The following SLC9A5 variants were observed in gnomAD, a reference collection of about 807,000 sequenced individuals.
SLC9A5 encodes the protein solute carrier family 9 member A5.
In SLC9A5, 52 loss-of-function variants were observed where a neutral mutation model predicts 91.7. The observed-to-expected ratio is 0.57, with a 90% CI of 0.45 to 0.71. The LOEUF (loss-of-function observed/expected upper bound fraction) is 0.71, where lower values mean the gene tolerates loss of function less well. SLC9A5 is among the 30% of genes least tolerant of loss of function. The probability of loss-of-function intolerance (pLI) is 0.00; values close to 1 mark genes in which losing one functional copy is unlikely to be tolerated. For missense variants in SLC9A5, 871 were observed against 1,158.9 expected, an observed-to-expected ratio of 0.75 and a Z score of 3.61; for synonymous variants, 419 against 474.5, an observed-to-expected ratio of 0.88 and a Z score of 1.52.
At position 67,255,150 on chromosome 16, in the gene SLC9A5, T is replaced by C; in HGVS notation, c.620T>C (p.Phe207Ser). ...HVNETLFIIV[F>S]GESLLNDAVT... The stretch of plus-strand genomic sequence containing the variant: ...AATGAGACTCTCTTTATCATCGTCT[T>C]TGGCGAGTCCCTGCTCAACGATGCT... Residue 207 changes from phenylalanine (F) to serine (S), a missense_variant, in exon 3 of 16, where the codon TTT becomes TCT. This residue lies in a region of SLC9A5 where 454 missense variants were observed against 718.3 expected (regional missense o/e 0.63). Coordinates refer to ENST00000299798, the MANE Select transcript of SLC9A5 (RefSeq NM_004594.3). This position sits in a 1 kb window ranked among gnomAD's most constrained non-coding sequence, Gnocchi z 4.9. 5 of 1,614,086 alleles carry C rather than the reference T, an allele frequency of 3.1e-6. No individual in the cohort carries two copies. The highest frequency in any genetic ancestry group is 4.2e-6 in the Non-Finnish European group (5 of 1,179,974).
At position 67,249,099 on chromosome 16, in the gene SLC9A5, G is replaced by A. The variant is rs954112194; in HGVS notation, c.85G>A (p.Glu29Lys). The A allele has an allele frequency of 4.5e-6, 7 of 1,541,062 alleles. No homozygotes were observed. Among genetic ancestry groups the A allele is most frequent in the Middle Eastern group, 1.9e-4 (1 of 5,272 alleles). The change falls in exon 1 of 16, where the codon GAG becomes AAG. Residue 29 changes from glutamate (E) to lysine (K), a missense_variant. Physicochemically the swap from Glu to Lys is moderately conservative, Grantham distance 56. Coordinates refer to ENST00000299798, the MANE Select transcript of SLC9A5 (RefSeq NM_004594.3). ...CACCCAGAAGCCAGAGTCCCCGGGC[G>A]AGCCTCCCCCAGGCTTAGAGCTCTT... Reference protein sequence around the residue: ...EPTQKPESPGEPPPGLELFRW... With the variant: ...EPTQKPESPGKPPPGLELFRW...
intron 1 of SLC9A5, 96 bp downstream of exon 1, chr16:67,249,297 TG>T (rs2035020265): frequency 9.7e-7 from 1 of 1,027,904 alleles, no homozygotes; most frequent in African/African-American, 1.7e-5. Context: ...GCTGGCTTCT[TG>T]CACGGTGCTG....
chr16:67,265,840 T>A (rs1035522456), intron 14 of SLC9A5, among the ~76,000 whole-genome samples: 1 of 152,122 alleles, frequency 6.6e-6, no homozygotes, highest in African/African-American at 2.4e-5. Flanking sequence ...AGCTGGAAAG[T>A]GTGGTCCTCA....
intron 12 of SLC9A5, chr16:67,262,322 A>G (rs888695488): frequency 4.4e-6 from 2 of 454,938 alleles, no homozygotes; most frequent in Admixed American, 2.4e-5. Flanking sequence ...GAATCCACTT[A>G]GTATGATAAC....
chr16:67,266,059 T>C (rs759640022), intron 14 of SLC9A5, 29 bp from the exon 15 acceptor site: 2 of 1,608,078 alleles, frequency 1.2e-6, no homozygotes, highest in Non-Finnish European at 1.7e-6. Flanking sequence ...CAGCCCAGGA[T>C]GCCTGACTCT....
chr16:67,266,022 G>A (rs2035686842), intron 14 of SLC9A5, 66 bp from the exon 15 acceptor site: 1 of 1,592,696 alleles, frequency 6.3e-7, no homozygotes, highest in Admixed American at 1.8e-5. Flanking sequence ...GCTGGCTTGG[G>A]GCTGTGTAGT....
chr16:67,257,032 A>G lies in SLC9A5; in HGVS notation c.1254A>G (p.Leu418=). ...CTGTGGCCTTTGCTCTCGTCATCCT[A>G]CTGGATAGGACCAAGGTCCCTGCCA... ...RGAVAFALVI[L]LDRTKVPAKD... is the part of the protein sequence containing the mutation. The change falls in exon 7 of 16, where the codon CTA becomes CTG. Residue 418 remains leucine (L), a synonymous_variant. Coordinates refer to ENST00000299798, the MANE Select transcript of SLC9A5 (RefSeq NM_004594.3). This position sits in a 1 kb window ranked among gnomAD's most constrained non-coding sequence, Gnocchi z 5.1. 3 of 1,613,792 alleles carry G rather than the reference A, an allele frequency of 1.9e-6. No homozygotes were observed. The highest frequency in any genetic ancestry group is 1.1e-5 in the South Asian group (1 of 91,084).
Position 67,258,376 on chromosome 16 carries a change from C to G in SLC9A5, c.1555C>G (p.Arg519Gly), listed in dbSNP as rs774656218. The G allele has an allele frequency of 1.2e-6, 2 of 1,614,026 alleles. No homozygotes were observed. The highest frequency in any genetic ancestry group is 1.7e-6 in the Non-Finnish European group (2 of 1,180,006). Residue 519 changes from arginine (R) to glycine (G), a missense_variant, in exon 10 of 16, where the codon CGC (arginine) becomes GGC (glycine). Around this residue, in one of 3 missense-constraint regions of SLC9A5, gnomAD observed 454 missense variants for 718.3 expected, o/e 0.63. Coordinates refer to ENST00000299798, the MANE Select transcript of SLC9A5 (RefSeq NM_004594.3). This position sits in a 1 kb window ranked among gnomAD's most constrained non-coding sequence, Gnocchi z 4.5. Reference protein sequence around the residue: ...SQLLMRRSAYRIRDQIWDVYY... With the variant: ...SQLLMRRSAYGIRDQIWDVYY... Reference sequence around the variant, plus strand: ...GCTGCTGATGCGACGATCAGCCTACCGCATCCGGGACCAGATCTGGGATGT... The same window carrying G: ...GCTGCTGATGCGACGATCAGCCTACGGCATCCGGGACCAGATCTGGGATGT...
rs1188608183 is a variant in SLC9A5, at chr16:67,258,188, T to A, written c.1497-130T>A. ...ATGAGGGCAGGGACTAGCCTTGAGA[T>A]TCTCTCTGGCTGAGGCCCATATCTA... On this transcript the variant is annotated intron_variant, in intron 9 of 15. Coordinates refer to ENST00000299798, the MANE Select transcript of SLC9A5 (RefSeq NM_004594.3). This position sits in a 1 kb window ranked among gnomAD's most constrained non-coding sequence, Gnocchi z 4.5. The A allele has an allele frequency of 9.6e-6, 8 of 831,342 alleles. No individual in the cohort carries two copies. In the South Asian group the frequency reaches 1.3e-4, roughly 13 times the overall value. 51.5% of individuals were successfully genotyped at this position (831,342 alleles called of 1,614,324 possible). A position where few individuals can be genotyped will look rare whatever the true frequency, so the allele number is the denominator to read the frequency against.
rs373789942 is a variant in SLC9A5, at chr16:67,271,547, C to G, written c.*337C>G. ...TTCCCGGGGACTCTATAGGCAGCTG[C>G]TCCTGCCCGCAAAGCAAGAGCATCA... On this transcript the variant is annotated 3_prime_UTR_variant, in exon 16 of 16. Transcript: ENST00000299798. 26 of 311,344 alleles carry G rather than the reference C, an allele frequency of 8.4e-5. No homozygotes were observed. In the East Asian group the frequency reaches 1.4e-3, roughly 17 times the overall value. The allele number at this position is 311,344 out of a possible 1,614,324, so 19.3% of individuals were successfully genotyped here.
Position 67,258,594 on chromosome 16 carries a change from G to C in SLC9A5, c.1626+147G>C. On this transcript the variant is annotated intron_variant, in intron 10 of 15. Coordinates refer to ENST00000299798, the MANE Select transcript of SLC9A5 (RefSeq NM_004594.3). The surrounding 1 kb of genome is among the most constrained non-coding windows in gnomAD (Gnocchi z 4.5). ...ATGGTCTGGTGAAGTGGCAGCGGCA[G>C]GAAGCAGCTGGGTCTGGTGCTGACA... The C allele has an allele frequency of 1.1e-6, 1 of 898,582 alleles. No homozygotes were observed. The highest frequency in any genetic ancestry group is 1.7e-6 in the Non-Finnish European group (1 of 578,084). 55.7% of individuals were successfully genotyped at this position (898,582 alleles called of 1,614,324 possible).
chr16:67,259,514 C>A, intron 10 of SLC9A5, 59 bp from the exon 11 acceptor site: 1 of 1,234,766 alleles, frequency 8.1e-7, no homozygotes. Context: ...TTTATTACCC[C>A]TGACTCCTGG....
intron 13 of SLC9A5, 87 bp from the exon 14 acceptor site, chr16:67,264,952 GA>G: frequency 7.2e-7 from 1 of 1,393,580 alleles, no homozygotes; most frequent in Non-Finnish European, 1.0e-6. Flanking sequence ...GCTGGGTTAG[GA>G]AAACTTGTCC....
intron 2 of SLC9A5, 128 bp from the exon 3 acceptor site, chr16:67,254,893 A>G (rs886073868): frequency 4.7e-5 from 40 of 849,246 alleles, no homozygotes; most frequent in Middle Eastern, 7.1e-4. Flanking sequence ...TGTCTTTGCC[A>G]TCCCAAGTCC....
chr16:67,268,705 T>TTTAC (rs2035821530), intron 15 of SLC9A5, among the ~76,000 whole-genome samples: 1 of 95,472 alleles, frequency 1.0e-5, no homozygotes, highest in African/African-American at 4.3e-5. Context: ...TATATATATA[T>TTTAC]ATATATTTTT....
chr16:67,271,256 T>G lies in SLC9A5; in HGVS notation c.*46T>G. On this transcript the variant is annotated 3_prime_UTR_variant, in exon 16 of 16. Transcript: ENST00000299798. The stretch of plus-strand genomic sequence containing the variant: ...CAGGAGGTGGAATCCCTGTGGGAAG[T>G]GCTCCCTGGGTGATGGGTAGAGCCC... The G allele has an allele frequency of 6.6e-7, 1 of 1,523,466 alleles. No individual in the cohort carries two copies. Among genetic ancestry groups the G allele is most frequent in the Non-Finnish European group, 8.9e-7 (1 of 1,120,052 alleles). The allele number at this position is 1,523,466 out of a possible 1,614,324, so 94.4% of individuals were successfully genotyped here.
At position 67,256,923 on chromosome 16, in the gene SLC9A5, A is replaced by T. The variant is rs761077744; in HGVS notation, c.1145A>T (p.Gln382Leu). ...LFFRALGVVLQTWVLNQFRLV... is the reference protein window; with the variant it reads ...LFFRALGVVLLTWVLNQFRLV... ...CCTCCCGCTGTAGGCGTAGTCCTGC[A>T]GACCTGGGTGCTGAATCAGTTCCGG... The change falls in exon 7 of 16, where the codon CAG becomes CTG. Residue 382 changes from glutamine (Q) to leucine (L), a missense_variant. Physicochemically the swap from Gln to Leu is moderately radical, Grantham distance 113. This residue lies in a region of SLC9A5 where 454 missense variants were observed against 718.3 expected (regional missense o/e 0.63). Coordinates refer to ENST00000299798, the MANE Select transcript of SLC9A5 (RefSeq NM_004594.3). The surrounding 1 kb of genome is among the most constrained non-coding windows in gnomAD (Gnocchi z 4.1). 16 of 1,613,824 alleles carry T rather than the reference A, an allele frequency of 9.9e-6. No individual in the cohort carries two copies. Among genetic ancestry groups the T allele is most frequent in the Middle Eastern group, 1.7e-4 (1 of 5,892 alleles).
chr16:67,254,020 C>T (rs572133670), intron 2 of SLC9A5, among the ~76,000 whole-genome samples: 1 of 152,248 alleles, frequency 6.6e-6, no homozygotes, highest in South Asian at 2.1e-4. Flanking sequence ...CTATTTGGGG[C>T]AGGAAGGGAA....
intron 13 of SLC9A5, 125 bp from the exon 14 acceptor site, chr16:67,264,915 C>A: frequency 1.1e-6 from 1 of 936,410 alleles, no homozygotes; most frequent in Non-Finnish European, 1.7e-6. Context: ...GGTAGAACCA[C>A]TGGGACTGAC....
Sources: gnomAD v4.1 joint callset for allele counts (sites outside exome capture counted in the v4.1 genomes callset) on GRCh38, gnomAD v4.1.1 for gene constraint, gnomAD v4.1.1 regional missense constraint, Gnocchi (gnomAD v3.1) non-coding constraint, MANE v1.5 for transcripts, NCBI Gene and HGNC (gene_info 2026-07-23, HGNC 2026-07-21) for gene names.